The following SHPRH variants were observed in gnomAD, a reference collection of about 807,000 sequenced individuals.
SHPRH encodes E3 ubiquitin-protein ligase SHPRH.
In SHPRH, 106 loss-of-function variants were observed where a neutral mutation model predicts 202.5. That is an observed-to-expected ratio of 0.52 (90% CI 0.45 to 0.62). The LOEUF (loss-of-function observed/expected upper bound fraction) is 0.62. Ranked by LOEUF, SHPRH falls within the 20% of genes least tolerant of loss-of-function variation. The pLI is 0.00. For synonymous variants in SHPRH, 729 were observed against 686.0 expected, an observed-to-expected ratio of 1.06 and a Z score of -0.98; for missense variants, 1,710 against 2,020.0, an observed-to-expected ratio of 0.85 and a Z score of 2.94.
chr6:145,946,623 T>C (rs994798731), intron 6 of SHPRH, among the ~76,000 whole-genome samples: 5 of 152,004 alleles, frequency 3.3e-5, no homozygotes, highest in Admixed American at 1.3e-4. Flanking sequence ...AATTAACCCA[T>C]TGAATTTATA....
rs375911513 is a variant in SHPRH at position 145,934,865 on chromosome 6, A to G, written c.2990+42T>C. The G allele has an allele frequency of 4.7e-5, 74 of 1,559,578 alleles. 1 individual carries two copies. The highest frequency in any genetic ancestry group is 6.4e-5 in the Non-Finnish European group (73 of 1,148,490). ...CCGTGGGCCTGAAATATTGTCTATT[A>G]TGATATACCAACTGCAATTAAAAAA... On this transcript the variant is annotated intron_variant, in intron 13 of 29. Transcript: ENST00000275233.
rs1206941987 is a variant in SHPRH at position 145,922,822 on chromosome 6, C to A, written c.3560G>T (p.Arg1187Ile). 5.0e-6 allele frequency: 8 copies of A among 1,609,498 alleles called. No individual in the cohort carries two copies. The highest frequency in any genetic ancestry group is 6.8e-6 in the Non-Finnish European group (8 of 1,177,662). ...TGTTGTAAGTAAGAACTGAAGACCT[C>A]TGCAATCACGGAACCTGATTCCCAC... ...LSMSEKFRDC[R>I]GLQFLLTTQM... Residue 1187 changes from arginine (R) to isoleucine (I), a missense_variant, in exon 19 of 30, where the codon AGA becomes ATA. By Grantham distance (97) the Arg-to-Ile change is moderately conservative. Around this residue, in one of 8 missense-constraint regions of SHPRH, gnomAD observed 288 missense variants for 317.8 expected, o/e 0.91. Transcript: ENST00000275233.
chr6:145,888,245 T>G, intron 28 of SHPRH, 145 bp from the exon 29 acceptor site: 2 of 567,708 alleles, frequency 3.5e-6, no homozygotes, highest in South Asian at 2.3e-5. Flanking sequence ...GCGAATAAAA[T>G]GAACTATTTA....
At chr6:145,940,949 A>T in intron 10 of SHPRH, 148 bp from the exon 11 acceptor site, 1 of 747,492 alleles carries the variant, frequency 1.3e-6, no homozygotes, top group South Asian at 1.7e-5. Context: ...ATCACACTCA[A>T]TGTTGAATGT....
chr6:145,892,188 C>A (rs1475980300), intron 28 of SHPRH, among the ~76,000 whole-genome samples: 1 of 152,170 alleles, frequency 6.6e-6, no homozygotes, highest in Admixed American at 6.6e-5. Flanking sequence ...AAACTCCTTA[C>A]AGTCCCTAGA....
Position 145,886,015 on chromosome 6 carries a change from A to T in SHPRH, c.*676T>A, listed in dbSNP as rs1199471665. 6.5e-6 allele frequency: 1 copy of T among 152,894 alleles called. No homozygotes were observed. Among genetic ancestry groups the T allele is most frequent in the Non-Finnish European group, 1.5e-5 (1 of 68,506 alleles). The allele number at this position is 152,894 out of a possible 1,614,324, so 9.5% of individuals were successfully genotyped here. ...TAAGGTAATCATTAATACATTAAAAAATCTATTTGGAGTTAACTGTTTACA... is the reference window on the plus strand; with the variant it reads ...TAAGGTAATCATTAATACATTAAAATATCTATTTGGAGTTAACTGTTTACA... On this transcript the variant is annotated 3_prime_UTR_variant, in exon 30 of 30. Transcript: ENST00000275233.
At position 145,935,154 on chromosome 6, in the gene SHPRH, G is replaced by A; in HGVS notation, c.2743C>T (p.Pro915Ser). Reference sequence around the variant, plus strand: ...CAGTGTATTTCTTCGGTTTGTGGTGGTATTTGGATCTGTGAAAAGGAGCAG... The same window carrying A: ...CAGTGTATTTCTTCGGTTTGTGGTGATATTTGGATCTGTGAAAAGGAGCAG... ...KKDVIDQIQI[P>S]PQTEEIHWLH... Residue 915 changes from proline (P) to serine (S), a missense_variant, in exon 13 of 30, where the codon CCA becomes TCA. Transcript: ENST00000275233. The A allele has an allele frequency of 6.2e-7, 1 of 1,612,704 alleles. No homozygotes were observed.
At position 145,935,118 on chromosome 6, in the gene SHPRH, A is replaced by C. The variant is rs1173531856; in HGVS notation, c.2779T>G (p.Ser927Ala). 1.2e-5 allele frequency: 19 copies of C among 1,613,828 alleles called. No homozygotes were observed. Among genetic ancestry groups the C allele is most frequent in the Non-Finnish European group, 1.6e-5 (19 of 1,179,978 alleles). Residue 927 changes from serine (S) to alanine (A), a missense_variant, in exon 13 of 30, where the codon TCT becomes GCT. By Grantham distance (99) the Ser-to-Ala change is moderately conservative (BLOSUM62 1). Around this residue, in one of 8 missense-constraint regions of SHPRH, gnomAD observed 277 missense variants for 363.0 expected, o/e 0.76. Coordinates refer to ENST00000275233, the MANE Select transcript of SHPRH (RefSeq NM_001042683.3). ...TGATAGAAATGCCTTTCCACTGGAG[A>C]AAAGTGGAGCCAGTGTATTTCTTCG... ...QTEEIHWLHF[S>A]PVERHFYHRQ...
chr6:145,924,525 A>G (rs1784697079), intron 17 of SHPRH, among the ~76,000 whole-genome samples: 1 of 151,944 alleles, frequency 6.6e-6, no homozygotes, highest in Admixed American at 6.6e-5. Context: ...AAAGAAAGAG[A>G]ACTCAAAATA....
chr6:145,936,674 G>A (rs1786105031), intron 11 of SHPRH, among the ~76,000 whole-genome samples: 1 of 151,832 alleles, frequency 6.6e-6, no homozygotes, highest in South Asian at 2.1e-4. Context: ...TTTTCACAAT[G>A]GGCATATATT....
At chr6:145,962,124 C>A (rs1321747979) in intron 1 of SHPRH, among the ~76,000 whole-genome samples, 2 of 152,202 alleles carry the variant, frequency 1.3e-5, no homozygotes, top group Middle Eastern at 3.4e-3. Flanking sequence ...AATATAAAAG[C>A]CTTTTGCTTG....
chr6:145,867,631 T>TAGAGAGAGAGAGAGAGAG (rs748613165), intron 2 of SHPRH, among the ~76,000 whole-genome samples: 4 of 22,316 alleles, frequency 1.8e-4, no homozygotes, highest in Non-Finnish European at 2.3e-4. Context: ...TATATATATA[T>TAGAGAGAGAGAGAGAGAG]AGAGAGAGAG....
At chr6:145,909,754 G>T (rs1330478166) in intron 25 of SHPRH, 1 of 125,486 alleles carries the variant, frequency 8.0e-6, no homozygotes, top group Non-Finnish European at 1.7e-5. Context: ...TGTGTCCTTT[G>T]TTCAAGTTTG....
chr6:145,959,953 G>A (rs1335509685), intron 1 of SHPRH, among the ~76,000 whole-genome samples: 1 of 152,236 alleles, frequency 6.6e-6, no homozygotes, highest in Non-Finnish European at 1.5e-5. Flanking sequence ...AATACTGAAA[G>A]TGGGTCACTC....
At chr6:145,919,530 G>A in intron 21 of SHPRH, 39 bp from the exon 22 acceptor site, 2 of 1,603,522 alleles carry the variant, frequency 1.2e-6, no homozygotes, top group Non-Finnish European at 1.7e-6. Flanking sequence ...GGTAAAGCAT[G>A]TAATTAAAAC....
At chr6:145,874,955 G>A (rs1583266394) in intron 2 of SHPRH, among the ~76,000 whole-genome samples, 4 of 152,212 alleles carry the variant, frequency 2.6e-5, no homozygotes, top group Admixed American at 2.6e-4. Context: ...TTTGGTACAT[G>A]GTCTATGTTA....
intron 1 of SHPRH, 41 bp from the exon 2 acceptor site, chr6:145,955,395 G>A: frequency 1.3e-6 from 2 of 1,501,528 alleles, no homozygotes; most frequent in Non-Finnish European, 8.9e-7. Flanking sequence ...AACAAGAGAT[G>A]ATTTAGTATT....
In SHPRH at chr6:145,948,331, T is replaced by C. The variant is rs779176567; in HGVS notation, c.1002A>G (p.Leu334=). The change falls in exon 5 of 30, where the codon TTA becomes TTG. Residue 334 remains leucine, a synonymous_variant. Transcript: ENST00000275233. ...SPATESALHF[L]WREIVTSEGL... is the part of the protein sequence containing the mutation. ...CCTCAGATGTAACAATCTCTCGCCA[T>C]AAGAAGTGCAGGGCACTTTCTAAAG... The C allele has an allele frequency of 1.4e-5, 23 of 1,605,280 alleles. 1 individual carries two copies. In the Admixed American group the frequency reaches 2.0e-4, roughly 14 times the overall value.
chr6:145,912,740 A>ATATT (rs1200156564), intron 24 of SHPRH, among the ~76,000 whole-genome samples: 1 of 152,130 alleles, frequency 6.6e-6, no homozygotes, highest in African/African-American at 2.4e-5. Flanking sequence ...TGGAATGCAT[A>ATATT]TATTTACCTT....
Sources: gnomAD v4.1 joint callset for allele counts (sites outside exome capture counted in the v4.1 genomes callset) on GRCh38, gnomAD v4.1.1 for gene constraint, gnomAD v4.1.1 regional missense constraint, MANE v1.5 for transcripts, NCBI Gene and HGNC (gene_info 2026-07-23, HGNC 2026-07-21) for gene names.